MAGI1: variants seen among roughly 807,000 people sequenced by gnomAD.
MAGI1 encodes the protein membrane associated guanylate kinase, WW and PDZ domain containing 1.
Under a neutral mutation model 139.9 loss-of-function variants are expected in MAGI1, and 58 were observed. The ratio of observed to expected loss-of-function variants is 0.41; its 90% CI spans 0.34 to 0.52. The LOEUF (loss-of-function observed/expected upper bound fraction) is 0.52. Ranked by LOEUF, MAGI1 falls within the 20% of genes least tolerant of loss-of-function variation. MAGI1 has a pLI of 0.12. For missense variants in MAGI1, 1,874 were observed against 1,901.6 expected (o/e 0.99, Z 0.27); for synonymous variants, 812 against 737.9 (o/e 1.10, Z -1.63).
chr3:65,357,150 G>A lies in MAGI1; in HGVS notation c.3635-18C>T, dbSNP rs772896115. 19 of 1,591,254 alleles carry A rather than the reference G, an allele frequency of 1.2e-5. No individual in the cohort carries two copies. The highest frequency in any genetic ancestry group is 5.1e-5 in the Admixed American group (3 of 58,786). ...GCTGGGGTCTGCCAGGAAAATAAAC[G>A]AGAGCAACAGTTGGGTACGAAGGTC... On this transcript the variant is annotated intron_variant, in intron 22 of 22. Coordinates refer to ENST00000402939, the MANE Select transcript of MAGI1 (RefSeq NM_001033057.2).
rs140737892 is a variant in MAGI1, at chr3:65,760,779, T to C, written c.314-138691A>G. 4.5e-3 allele frequency among the ~76,000 whole-genome samples: 692 copies of C among 152,190 alleles called. 7 individuals carry two copies. The highest frequency in any genetic ancestry group is 0.016 in the African/African-American group (653 of 41,516). ...CTAGCTACCACACAACACTGCCTTA[T>C]GATAGAAGAAGAGTGAAAAACAGGG... On this transcript the variant is annotated intron_variant, in intron 1 of 22. Transcript: ENST00000402939.
At chr3:65,634,177 C>A (rs946693786) in intron 1 of MAGI1, among the ~76,000 whole-genome samples, 1 of 152,100 alleles carries the variant, frequency 6.6e-6, no homozygotes, top group Admixed American at 6.6e-5. Context: ...GGACTCAAAT[C>A]CGGGGGAGTA....
chr3:66,037,611 C>G (rs545335171), intron 1 of MAGI1, among the ~76,000 whole-genome samples: 210 of 152,290 alleles, frequency 1.4e-3, no homozygotes, highest in African/African-American at 4.5e-3. Context: ...GAAACTGACT[C>G]GTGGCCAAAG....
intron 2 of MAGI1, 54 bp from the exon 3 acceptor site, chr3:65,493,685 G>A: frequency 1.9e-6 from 3 of 1,606,562 alleles, no homozygotes; most frequent in Non-Finnish European, 2.5e-6. Context: ...AAAACAGGAA[G>A]TTCCACATCC....
chr3:65,650,915 C>T (rs550248640), intron 1 of MAGI1, among the ~76,000 whole-genome samples: 158 of 152,158 alleles, frequency 1.0e-3, no homozygotes, highest in African/African-American at 2.8e-3. Flanking sequence ...TAGTTATCAA[C>T]GTGTAAAATA....
chr3:65,658,332 A>G (rs1197514669), intron 1 of MAGI1, among the ~76,000 whole-genome samples: 1 of 152,212 alleles, frequency 6.6e-6, no homozygotes, highest in African/African-American at 2.4e-5. Context: ...TACAGGAACA[A>G]AACTTCCTGC....
chr3:65,799,160 T>C (rs1354825090), intron 1 of MAGI1, among the ~76,000 whole-genome samples: 1 of 152,214 alleles, frequency 6.6e-6, no homozygotes, highest in Non-Finnish European at 1.5e-5. Flanking sequence ...TATAGTATTC[T>C]ATCTGTGAAA....
At chr3:65,364,359 G>A (rs180968134) in intron 20 of MAGI1, among the ~76,000 whole-genome samples, 2 of 152,168 alleles carry the variant, frequency 1.3e-5, no homozygotes, top group Non-Finnish European at 2.9e-5. Flanking sequence ...TTTCTTGGCA[G>A]AAGCATGTTT....
rs1005611965 is a variant in MAGI1 at position 65,980,640 on chromosome 3, G to A, written c.313+57356C>T. On this transcript the variant is annotated intron_variant, in intron 1 of 22. Coordinates refer to ENST00000402939, the MANE Select transcript of MAGI1 (RefSeq NM_001033057.2). ...GTTGCTTATCAGTAGCTGAGGTGCA[G>A]ACTGGTTAAATGATGGGTATATATA... Among the ~76,000 whole-genome samples the A allele has an allele frequency of 7.9e-5, 12 of 151,504 alleles. 1 individual carries two copies. In the South Asian group the frequency reaches 2.5e-3, roughly 32 times the overall value.
intron 2 of MAGI1, among the ~76,000 whole-genome samples, chr3:65,606,867 AG>A (rs1390976217): frequency 6.6e-6 from 1 of 151,998 alleles, no homozygotes; most frequent in East Asian, 1.9e-4. Context: ...CATGTTGCTT[AG>A]GCTGGTCTCA....
intron 10 of MAGI1, 106 bp from the exon 11 acceptor site, chr3:65,430,987 AGCCTTTGG>A (rs1947410630): frequency 9.6e-7 from 1 of 1,042,138 alleles, no homozygotes; most frequent in Non-Finnish European, 1.4e-6. Context: ...TATGCCCTAG[AGCCTTTGG>A]GCATATAGCA....
chr3:65,852,849 G>A (rs2108401197), intron 1 of MAGI1, among the ~76,000 whole-genome samples: 1 of 152,056 alleles, frequency 6.6e-6, no homozygotes, highest in Non-Finnish European at 1.5e-5. Flanking sequence ...AATATTTGTG[G>A]TTTTGGCTGG....
chr3:65,363,685 A>G, intron 20 of MAGI1, 77 bp from the exon 21 acceptor site: 1 of 1,289,402 alleles, frequency 7.8e-7, no homozygotes. Context: ...TCTTGGCAAA[A>G]AGGCACAATC....
chr3:65,677,514 C>T (rs898149502), intron 1 of MAGI1, among the ~76,000 whole-genome samples: 1 of 152,160 alleles, frequency 6.6e-6, no homozygotes, highest in East Asian at 1.9e-4. Flanking sequence ...AAGAAAAACA[C>T]TGAGCAGAGT....
chr3:65,811,934 G>A (rs1474735644), intron 1 of MAGI1, among the ~76,000 whole-genome samples: 10 of 133,694 alleles, frequency 7.5e-5, no homozygotes, highest in African/African-American at 2.4e-4. Context: ...TTACGTGTGT[G>A]TGTGTGTGTG....
At position 65,962,047 on chromosome 3, in the gene MAGI1, C is replaced by T. The variant is rs144288538; in HGVS notation, c.313+75949G>A. Among the ~76,000 whole-genome samples the T allele has an allele frequency of 6.3e-3, 951 of 151,946 alleles. 8 individuals are homozygous for T. Among genetic ancestry groups the T allele is most frequent in the Middle Eastern group, 0.031 (9 of 292 alleles). On this transcript the variant is annotated intron_variant, in intron 1 of 22. Transcript: ENST00000402939. ...AAGAGGTTGTTTGTCTCCTCCTATC[C>T]GTCATATCAGTAGTTTCAAGATAAG...
At chr3:65,671,900 A>G (rs60328248) in intron 1 of MAGI1, among the ~76,000 whole-genome samples, 7,970 of 152,230 alleles carry the variant, frequency 0.052, 273 homozygotes, top group Non-Finnish European at 0.073. Flanking sequence ...AATCCTCATA[A>G]GGAAATCTGG....
intron 1 of MAGI1, among the ~76,000 whole-genome samples, chr3:65,730,046 C>T (rs1227222041): frequency 6.6e-6 from 1 of 152,200 alleles, no homozygotes; most frequent in African/African-American, 2.4e-5. Context: ...CATTTCTCAG[C>T]ATCTGTCTTT....
chr3:66,029,392 T>C (rs1235109880), intron 1 of MAGI1, among the ~76,000 whole-genome samples: 1 of 152,182 alleles, frequency 6.6e-6, no homozygotes, highest in Non-Finnish European at 1.5e-5. Context: ...GTAAGAAGCA[T>C]AACTGTGGCC....
Sources: allele counts gnomAD v4.1 joint callset (sites outside exome capture counted in the v4.1 genomes callset), GRCh38; gene constraint gnomAD v4.1.1; transcripts MANE v1.5; gene names NCBI Gene and HGNC (gene_info 2026-07-23, HGNC 2026-07-21).